The following ZNF496 variants were observed in gnomAD, a reference collection of about 807,000 sequenced individuals.
ZNF496 encodes the protein zinc finger protein 496, also known as NSD1 (nuclear receptor binding SET-domain containing 1)-interacting zinc finger protein 1.
In ZNF496, 11 loss-of-function variants were observed where a neutral mutation model predicts 58.9. The observed-to-expected ratio is 0.19, with a 90% CI of 0.12 to 0.31. The LOEUF (loss-of-function observed/expected upper bound fraction) is 0.31, where lower values mean the gene tolerates loss of function less well. Ranked by LOEUF, ZNF496 falls within the 10% of genes least tolerant of loss-of-function variation. ZNF496 has a pLI of 1.00. For missense variants in ZNF496, 660 were observed against 783.0 expected (o/e 0.84, Z 1.88); for synonymous variants, 338 against 318.2 (o/e 1.06, Z -0.66).
At chr1:247,312,257 T>C (rs1659625323) in intron 6 of ZNF496, 1 of 152,334 alleles carries the variant, frequency 6.6e-6, no homozygotes. Context: ...AGTTCTACCT[T>C]CCACAAAACA....
At chr1:247,310,050 T>G (rs1445413072) in intron 7 of ZNF496, 1 of 1,427,808 alleles carries the variant, frequency 7.0e-7, no homozygotes, top group Non-Finnish European at 9.1e-7. Context: ...GACAAAACGG[T>G]AAGAACGATG....
chr1:247,304,045 C>T (rs1012369148), intron 9 of ZNF496: 2 of 441,190 alleles, frequency 4.5e-6, no homozygotes, highest in Non-Finnish European at 9.0e-6. Context: ...AGCAGAAACA[C>T]TGCCAGCTGG....
chr1:247,328,450 A>G (rs1660210308), intron 5 of ZNF496, among the ~76,000 whole-genome samples: 1 of 152,172 alleles, frequency 6.6e-6, no homozygotes, highest in African/African-American at 2.4e-5. Flanking sequence ...CACCTACAGA[A>G]GCGTTAGCTC....
intron 6 of ZNF496, among the ~76,000 whole-genome samples, chr1:247,315,876 G>A (rs993779477): frequency 2.6e-5 from 4 of 152,128 alleles, no homozygotes; most frequent in African/African-American, 7.2e-5. Flanking sequence ...TCAGTAGGTC[G>A]GGGTGGAGCC....
At chr1:247,305,034 T>C (rs987343541) in intron 9 of ZNF496, among the ~76,000 whole-genome samples, 1 of 152,178 alleles carries the variant, frequency 6.6e-6, no homozygotes, top group African/African-American at 2.4e-5. Context: ...GGATGAATTG[T>C]GTTGTCCCAA....
intron 6 of ZNF496, among the ~76,000 whole-genome samples, chr1:247,315,329 T>A (rs958192272): frequency 6.6e-6 from 1 of 152,118 alleles, no homozygotes; most frequent in Non-Finnish European, 1.5e-5. Flanking sequence ...TGAGTGCCAC[T>A]GTGAGTCTAA....
At chr1:247,330,841 T>C (rs1660299285) in intron 2 of ZNF496, among the ~76,000 whole-genome samples, 1 of 152,202 alleles carries the variant, frequency 6.6e-6, no homozygotes, top group Non-Finnish European at 1.5e-5. Context: ...GAAAGACAAG[T>C]GATGCCAGAA....
intron 9 of ZNF496, 100 bp from the exon 10 acceptor site, chr1:247,301,376 G>T: frequency 7.0e-7 from 1 of 1,427,142 alleles, no homozygotes. Context: ...TTACAAACCC[G>T]TGTTTTTACA....
Position 247,331,545 on chromosome 1 carries a change from G to C in ZNF496, c.-267C>G, listed in dbSNP as rs570090484. ...CCGCCCGGCCGGGCGTACTCGCTGAGGCGGGGTCTCCGCAGGCGCCCGGCT... is the reference window on the plus strand; with the variant it reads ...CCGCCCGGCCGGGCGTACTCGCTGACGCGGGGTCTCCGCAGGCGCCCGGCT... On this transcript the variant is annotated 5_prime_UTR_variant, in exon 2 of 10. Transcript: ENST00000682384. 1 of 152,346 alleles carries C rather than the reference G, an allele frequency of 6.6e-6. No individual in the cohort carries two copies. Among genetic ancestry groups the C allele is most frequent in the South Asian group, 2.1e-4 (1 of 4,830 alleles). 9.4% of individuals were successfully genotyped at this position (152,346 alleles called of 1,614,324 possible).
At chr1:247,313,717 C>A (rs1038524283) in intron 6 of ZNF496, 4 of 152,180 alleles carry the variant, frequency 2.6e-5, no homozygotes, top group African/African-American at 9.7e-5. Context: ...TTCACTGAAG[C>A]ATTGATCTAA....
intron 9 of ZNF496, chr1:247,307,802 G>C (rs1444910949): frequency 1.0e-6 from 1 of 985,434 alleles, no homozygotes. Context: ...GTAAGAATCA[G>C]AGGCTTGGGT....
rs1449605792 is a variant in ZNF496, at chr1:247,324,704, A to G, written c.575-1474T>C. On this transcript the variant is annotated intron_variant, in intron 5 of 9. Coordinates refer to ENST00000682384, the MANE Select transcript of ZNF496 (RefSeq NM_032752.3). ...TCACAATGTGTATAGATATCAAAACATTACACTGTACACTGTAAATACATA... is the reference window on the plus strand; with the variant it reads ...TCACAATGTGTATAGATATCAAAACGTTACACTGTACACTGTAAATACATA... Among the ~76,000 whole-genome samples the G allele has an allele frequency of 8.5e-5, 13 of 152,212 alleles. 1 individual carries two copies. The highest frequency in any genetic ancestry group is 1.9e-4 in the Non-Finnish European group (13 of 68,040).
rs755989651 is a variant in ZNF496 at position 247,308,630 on chromosome 1, C to A, written c.893-42G>T. On this transcript the variant is annotated intron_variant, in intron 8 of 9. Transcript: ENST00000682384. This position sits in a 1 kb window ranked among gnomAD's most constrained non-coding sequence, Gnocchi z 4.5. ...ATGGAAAAATTGATTTGTTTTGCACCTACAGCACTACCTGGGAGGGTGCTA... is the reference window on the plus strand; with the variant it reads ...ATGGAAAAATTGATTTGTTTTGCACATACAGCACTACCTGGGAGGGTGCTA... 1.7e-5 allele frequency: 26 copies of A among 1,561,246 alleles called. No homozygotes were observed. Among genetic ancestry groups the A allele is most frequent in the Non-Finnish European group, 2.2e-5 (25 of 1,132,770 alleles).
Position 247,309,766 on chromosome 1 carries a change from C to G in ZNF496, c.825G>C (p.Glu275Asp). The change falls in exon 8 of 10, where the codon GAG (glutamate) becomes GAC (aspartate). Residue 275 changes from glutamate to aspartate, a missense_variant. Physicochemically the swap from Glu to Asp is conservative, Grantham distance 45 (BLOSUM62 2). Coordinates refer to ENST00000682384, the MANE Select transcript of ZNF496 (RefSeq NM_032752.3). The surrounding 1 kb of genome is among the most constrained non-coding windows in gnomAD (Gnocchi z 4.3). ...GCAACTCTGGAACGCGTGGCTCATT[C>G]TCCTCTCCCTGGGAGAGATCTGGCT... ...AAQPDLSQGE[E>D]NEPRVPELQD... 6.2e-7 allele frequency: 1 copy of G among 1,614,196 alleles called. No homozygotes were observed. Among genetic ancestry groups the G allele is most frequent in the Non-Finnish European group, 8.5e-7 (1 of 1,180,038 alleles).
At position 247,308,259 on chromosome 1, in the gene ZNF496, C is replaced by T. The variant is rs9426182; in HGVS notation, c.1006+216G>A. 0.36 allele frequency among the ~76,000 whole-genome samples: 53,990 copies of T among 151,958 alleles called. 10,104 individuals carry two copies. The highest frequency in any genetic ancestry group is 0.52 in the East Asian group (2,668 of 5,152). ...CCTAACTGTCCCATGCCATCACCAC[C>T]GCACATTTACATCACACACCCACAT... On this transcript the variant is annotated intron_variant, in intron 9 of 9. Coordinates refer to ENST00000682384, the MANE Select transcript of ZNF496 (RefSeq NM_032752.3). This position sits in a 1 kb window ranked among gnomAD's most constrained non-coding sequence, Gnocchi z 4.5.
At chr1:247,327,781 T>C (rs1660184654) in intron 5 of ZNF496, among the ~76,000 whole-genome samples, 1 of 77,416 alleles carries the variant, frequency 1.3e-5, no homozygotes, top group Admixed American at 1.2e-4. Flanking sequence ...TAGAGCACTA[T>C]GGCAAGTCCA....
chr1:247,310,531 T>C (rs1352243950), intron 6 of ZNF496, 75 bp from the exon 7 acceptor site: 2 of 1,574,470 alleles, frequency 1.3e-6, no homozygotes, highest in Non-Finnish European at 1.7e-6. Flanking sequence ...ACTGAGGCTG[T>C]GACAACACAA....
intron 6 of ZNF496, among the ~76,000 whole-genome samples, chr1:247,322,083 A>C (rs1478516291): frequency 6.6e-6 from 1 of 152,122 alleles, no homozygotes; most frequent in African/African-American, 2.4e-5. Flanking sequence ...GGAGTTTGAG[A>C]CCAGCCTGGG....
chr1:247,319,793 C>T (rs1163621690), intron 6 of ZNF496, among the ~76,000 whole-genome samples: 1 of 151,870 alleles, frequency 6.6e-6, no homozygotes, highest in Non-Finnish European at 1.5e-5. Context: ...CCTGGTGGTG[C>T]GCGCCTGTAG....
Sources: allele counts gnomAD v4.1 joint callset (sites outside exome capture counted in the v4.1 genomes callset), GRCh38; gene constraint gnomAD v4.1.1; non-coding constraint Gnocchi (gnomAD v3.1); transcripts MANE v1.5; gene names NCBI Gene and HGNC (gene_info 2026-07-23, HGNC 2026-07-21).